PRKCA: variants seen among roughly 807,000 people sequenced by gnomAD.
The protein encoded by PRKCA is protein kinase C alpha.
A neutral mutation model predicts 87.0 loss-of-function variants in PRKCA; 27 were observed. That is an observed-to-expected ratio of 0.31 (90% CI 0.23 to 0.43). The LOEUF is 0.43. Ranked by LOEUF, PRKCA falls within the 20% of genes least tolerant of loss-of-function variation. The pLI, the probability that PRKCA is intolerant of heterozygous loss-of-function variation, is 1.00. For missense variants in PRKCA, 518 were observed against 852.3 expected (o/e 0.61, Z 4.88); for synonymous variants, 329 against 311.1 (o/e 1.06, Z -0.61).
chr17:66,481,700 G>A (rs1915783989), intron 2 of PRKCA, among the ~76,000 whole-genome samples: 1 of 152,098 alleles, frequency 6.6e-6, no homozygotes. Context: ...GAAGGGACTG[G>A]GCTTCATGTA....
chr17:66,549,152 T>C (rs1470256945), intron 3 of PRKCA, among the ~76,000 whole-genome samples: 1 of 151,768 alleles, frequency 6.6e-6, no homozygotes, highest in African/African-American at 2.4e-5. Context: ...TTTTTTTTTT[T>C]TTTTTTTACA....
At position 66,807,650 on chromosome 17, in the gene PRKCA, C is replaced by T. The variant is rs1427991128; in HGVS notation, c.*3613C>T. 2.6e-5 allele frequency: 4 copies of T among 152,202 alleles called. No individual in the cohort carries two copies. Among genetic ancestry groups the T allele is most frequent in the Non-Finnish European group, 5.9e-5 (4 of 68,056 alleles). 9.4% of individuals were successfully genotyped at this position (152,202 alleles called of 1,614,324 possible). A position where few individuals can be genotyped will look rare whatever the true frequency, so the allele number is the denominator to read the frequency against. On this transcript the variant is annotated 3_prime_UTR_variant, in exon 17 of 17. Coordinates refer to ENST00000413366, the MANE Select transcript of PRKCA (RefSeq NM_002737.3). This position sits in a 1 kb window ranked among gnomAD's most constrained non-coding sequence, Gnocchi z 4.3. ...TCTTACTCAGAATTTTGATAGAAAA[C>T]CATGGGGCCAAGAGCTCTGGAAGCC...
intron 2 of PRKCA, among the ~76,000 whole-genome samples, chr17:66,343,051 T>C (rs141384004): frequency 8.1e-4 from 123 of 152,290 alleles, no homozygotes; most frequent in African/African-American, 2.8e-3. Context: ...AGAAGCATAA[T>C]ATGCCAAGAT....
chr17:66,795,060 T>C (rs2144404460), intron 16 of PRKCA, among the ~76,000 whole-genome samples: 1 of 152,372 alleles, frequency 6.6e-6, no homozygotes, highest in African/African-American at 2.4e-5. Flanking sequence ...ACTTATTTTT[T>C]TCTGAACCAT....
intron 2 of PRKCA, among the ~76,000 whole-genome samples, chr17:66,397,275 C>CTTTTTT (rs57003663): frequency 3.2e-5 from 3 of 93,668 alleles, no homozygotes; most frequent in East Asian, 3.5e-4. Flanking sequence ...CCAGTGTAGA[C>CTTTTTT]TTTTTTTTTT....
At chr17:66,710,926 C>T (rs1007113920) in intron 8 of PRKCA, among the ~76,000 whole-genome samples, 3 of 151,836 alleles carry the variant, frequency 2.0e-5, no homozygotes, top group African/African-American at 7.3e-5. Flanking sequence ...GCCCGTAATC[C>T]CAGCTACTCG....
chr17:66,624,587 G>A (rs1201990034), intron 3 of PRKCA, among the ~76,000 whole-genome samples: 21 of 152,116 alleles, frequency 1.4e-4, no homozygotes, highest in African/African-American at 5.1e-4. Context: ...GATCACTTGA[G>A]GTCAAGAGTT....
chr17:66,551,245 C>T lies in PRKCA; in HGVS notation c.288+54962C>T, dbSNP rs191615004. On this transcript the variant is annotated intron_variant, in intron 3 of 16. Transcript: ENST00000413366. ...ACCTGGCTAATTTTTTATACTTTTC[C>T]GTAGAGACAGGGTTTTGCCATGTTG... Among the ~76,000 whole-genome samples, 990 of 152,176 alleles carry T rather than the reference C, an allele frequency of 6.5e-3. 35 individuals carry two copies. Among genetic ancestry groups the T allele is most frequent in the Admixed American group, 0.057 (864 of 15,272 alleles).
At chr17:66,364,140 C>T (rs1908558889) in intron 2 of PRKCA, 1 of 152,226 alleles carries the variant, frequency 6.6e-6, no homozygotes, top group Admixed American at 6.5e-5. Context: ...GTTGAGTGCA[C>T]TAAGTTTGGC....
chr17:66,582,980 G>T (rs1354061590), intron 3 of PRKCA, among the ~76,000 whole-genome samples: 1 of 152,028 alleles, frequency 6.6e-6, no homozygotes, highest in East Asian at 1.9e-4. Flanking sequence ...ATCCTGGGAC[G>T]TGTTACTTAC....
At chr17:66,581,843 A>G (rs768810387) in intron 3 of PRKCA, among the ~76,000 whole-genome samples, 1 of 152,294 alleles carries the variant, frequency 6.6e-6, no homozygotes, top group East Asian at 1.9e-4. Flanking sequence ...CTTAGTAAAT[A>G]TGGGCAACAT....
At chr17:66,313,228 A>C (rs1274655010) in intron 2 of PRKCA, among the ~76,000 whole-genome samples, 4 of 152,234 alleles carry the variant, frequency 2.6e-5, no homozygotes, top group Non-Finnish European at 5.9e-5. Flanking sequence ...ATGTGATACA[A>C]GCATTCATAA....
chr17:66,576,983 T>C (rs1246594343), intron 3 of PRKCA, among the ~76,000 whole-genome samples: 2 of 151,046 alleles, frequency 1.3e-5, no homozygotes, highest in Admixed American at 1.3e-4. Flanking sequence ...CAGGTGATCC[T>C]CCCACCCCAG....
At chr17:66,422,406 G>A (rs754319867) in intron 2 of PRKCA, among the ~76,000 whole-genome samples, 1 of 152,194 alleles carries the variant, frequency 6.6e-6, no homozygotes, top group Non-Finnish European at 1.5e-5. Context: ...TCATAAAACT[G>A]TATCCCTAGC....
intron 3 of PRKCA, among the ~76,000 whole-genome samples, chr17:66,608,336 A>G (rs995727688): frequency 2.0e-5 from 3 of 152,204 alleles, no homozygotes; most frequent in African/African-American, 7.2e-5. Flanking sequence ...TTGCAGTTCT[A>G]AAATCAGGAA....
At chr17:66,586,417 A>T (rs1040813823) in intron 3 of PRKCA, among the ~76,000 whole-genome samples, 1 of 152,214 alleles carries the variant, frequency 6.6e-6, no homozygotes, top group African/African-American at 2.4e-5. Context: ...TGCTAATAAT[A>T]TCTTCAACTG....
At chr17:66,428,716 C>T (rs1912945259) in intron 2 of PRKCA, among the ~76,000 whole-genome samples, 1 of 152,066 alleles carries the variant, frequency 6.6e-6, no homozygotes, top group Non-Finnish European at 1.5e-5. Context: ...GTTGCTCAGG[C>T]TGGTCTCGAA....
chr17:66,497,024 T>A (rs2144114486), intron 3 of PRKCA, among the ~76,000 whole-genome samples: 1 of 152,358 alleles, frequency 6.6e-6, no homozygotes, highest in Non-Finnish European at 1.5e-5. Flanking sequence ...GCTCCTGGTT[T>A]ACTCCAGGGG....
chr17:66,355,476 C>T (rs569405062), intron 2 of PRKCA, among the ~76,000 whole-genome samples: 7 of 152,332 alleles, frequency 4.6e-5, no homozygotes, highest in African/African-American at 1.7e-4. Context: ...AAATTTCAGT[C>T]TAGTGGCGGG....
Sources: gnomAD v4.1 joint callset for allele counts (sites outside exome capture counted in the v4.1 genomes callset) on GRCh38, gnomAD v4.1.1 for gene constraint, Gnocchi (gnomAD v3.1) non-coding constraint, MANE v1.5 for transcripts, NCBI Gene and HGNC (gene_info 2026-07-23, HGNC 2026-07-21) for gene names.